Variants in ADAM17 observed in about 807,000 individuals in gnomAD.
The protein encoded by ADAM17 is disintegrin and metalloproteinase domain-containing protein 17.
ADAM17 carries 39 observed loss-of-function variants against 96.7 expected under a neutral mutation model. That is an observed-to-expected ratio of 0.40 (90% CI 0.31 to 0.53). The LOEUF (loss-of-function observed/expected upper bound fraction) is 0.53. Ranked by LOEUF, ADAM17 falls within the 20% of genes least tolerant of loss-of-function variation. The pLI, the probability that ADAM17 is intolerant of heterozygous loss-of-function variation, is 0.44. For synonymous variants in ADAM17, 344 were observed against 359.2 expected, an observed-to-expected ratio of 0.96 and a Z score of 0.48; for missense variants, 777 against 1,013.2, an observed-to-expected ratio of 0.77 and a Z score of 3.17.
chr2:9,524,164 CT>C (rs1167602572), intron 6 of ADAM17, among the ~76,000 whole-genome samples: 1 of 151,896 alleles, frequency 6.6e-6, no homozygotes, highest in East Asian at 1.9e-4. Context: ...GGTAAGGCTT[CT>C]GGTCAACAGT....
intron 14 of ADAM17, 150 bp downstream of exon 14, chr2:9,496,964 C>T (rs544972434): frequency 1.3e-5 from 16 of 1,205,822 alleles, no homozygotes; most frequent in Admixed American, 5.2e-5. Context: ...TGCCTGTCTC[C>T]AGACACCACC....
At chr2:9,509,836 A>T (rs1558506761) in intron 11 of ADAM17, 143 bp downstream of exon 11, 1 of 1,080,106 alleles carries the variant, frequency 9.3e-7, no homozygotes. Flanking sequence ...CAAAACACAC[A>T]ACCACGTTTC....
chr2:9,490,409 G>A lies in ADAM17; in HGVS notation c.2243C>T (p.Ala748Val), dbSNP rs79932015. The A allele has an allele frequency of 1.0e-3, 1,627 of 1,614,164 alleles. 16 individuals carry two copies. The African/African-American group carries it at 0.019, about 19-fold the overall frequency. ...GTGGTCCAGTTTTGGAGCTGCTGGC[G>A]CCGAAGGGATCACAGGGGCAGGCTG... ...RLQPAPVIPS[A>V]PAAPKLDHQR... The change falls in exon 19 of 19, where the codon GCG becomes GTG. Residue 748 changes from alanine (A) to valine (V), a missense_variant. Coordinates refer to ENST00000310823, the MANE Select transcript of ADAM17 (RefSeq NM_003183.6).
In ADAM17 at chr2:9,555,676, A is replaced by C; in HGVS notation, c.-71T>G. ...CTGACGGGGTTTCGGAAAACTGCTC[A>C]CATCGGGGGAGGACGGGATCCGCCC... On this transcript the variant is annotated 5_prime_UTR_variant, in exon 1 of 19. An upstream open reading frame in the 5' UTR loses its in-frame stop. Coordinates refer to ENST00000310823, the MANE Select transcript of ADAM17 (RefSeq NM_003183.6). 1.5e-6 allele frequency: 2 copies of C among 1,299,974 alleles called. No homozygotes were observed. Among genetic ancestry groups the C allele is most frequent in the Non-Finnish European group, 2.1e-6 (2 of 956,128 alleles). 80.5% of individuals were successfully genotyped at this position (1,299,974 alleles called of 1,614,324 possible).
At chr2:9,549,918 C>CA (rs1389283430) in intron 1 of ADAM17, among the ~76,000 whole-genome samples, 1 of 152,190 alleles carries the variant, frequency 6.6e-6, no homozygotes, top group African/African-American at 2.4e-5. Flanking sequence ...GCACTCAGCT[C>CA]ACTCTTCACT....
intron 11 of ADAM17, among the ~76,000 whole-genome samples, chr2:9,506,193 C>A (rs1361808044): frequency 2.6e-5 from 4 of 151,938 alleles, no homozygotes; most frequent in Non-Finnish European, 1.5e-5. Context: ...TTCACTTTCA[C>A]CCCAGACAAC....
At position 9,505,158 on chromosome 2, in the gene ADAM17, C is replaced by T. The variant is rs1231989517; in HGVS notation, c.1544+8G>A. 3 of 1,614,040 alleles carry T rather than the reference C, an allele frequency of 1.9e-6. No homozygotes were observed. The highest frequency in any genetic ancestry group is 2.2e-5 in the East Asian group (1 of 44,892). ...ACTTCCCAAAATCCCTGTGGAGAGACTCCTCACCTGCACTGGACACCTTCC... is the reference window on the plus strand; with the variant it reads ...ACTTCCCAAAATCCCTGTGGAGAGATTCCTCACCTGCACTGGACACCTTCC... On this transcript the variant is annotated splice_region_variant and intron_variant, in intron 12 of 18. Coordinates refer to ENST00000310823, the MANE Select transcript of ADAM17 (RefSeq NM_003183.6).
Position 9,490,046 on chromosome 2 carries a change from G to A in ADAM17, c.*131C>T, listed in dbSNP as rs779832226. 34 of 831,224 alleles carry A rather than the reference G, an allele frequency of 4.1e-5. No individual in the cohort carries two copies. The highest frequency in any genetic ancestry group is 1.4e-4 in the Admixed American group (5 of 34,516). The allele number at this position is 831,224 out of a possible 1,614,324, so 51.5% of individuals were successfully genotyped here. A position where few individuals can be genotyped will look rare whatever the true frequency, so the allele number is the denominator to read the frequency against. ...CCACACAAGAACTGTTTACCTGCAG[G>A]AAGTTCAAACACATGACCAGCATCT... On this transcript the variant is annotated 3_prime_UTR_variant, in exon 19 of 19. Coordinates refer to ENST00000310823, the MANE Select transcript of ADAM17 (RefSeq NM_003183.6).
At chr2:9,542,828 G>A (rs1038245781) in intron 2 of ADAM17, among the ~76,000 whole-genome samples, 1 of 152,130 alleles carries the variant, frequency 6.6e-6, no homozygotes, top group Non-Finnish European at 1.5e-5. Flanking sequence ...CTCCCAAGTA[G>A]CTGGGATTAC....
chr2:9,505,697 A>G (rs1255845464), intron 11 of ADAM17: 4 of 285,036 alleles, frequency 1.4e-5, no homozygotes, highest in Non-Finnish European at 2.0e-5. Flanking sequence ...GAGAGCTCGT[A>G]GCTCCATCAG....
At chr2:9,520,523 A>G (rs1019600518) in intron 8 of ADAM17, among the ~76,000 whole-genome samples, 1 of 152,240 alleles carries the variant, frequency 6.6e-6, no homozygotes, top group African/African-American at 2.4e-5. Flanking sequence ...CCTAAAAGAT[A>G]AATTGATAAG....
chr2:9,504,057 G>A (rs982345013), intron 12 of ADAM17, among the ~76,000 whole-genome samples: 2 of 151,138 alleles, frequency 1.3e-5, no homozygotes, highest in Non-Finnish European at 2.9e-5. Context: ...AGGCTGAGGT[G>A]GAAGGACTGA....
chr2:9,519,181 G>A (rs1357682973), intron 8 of ADAM17, among the ~76,000 whole-genome samples: 1 of 152,134 alleles, frequency 6.6e-6, no homozygotes, highest in African/African-American at 2.4e-5. Flanking sequence ...TTACAGGCAT[G>A]AACCACCATG....
At chr2:9,493,193 G>A (rs1662301833) in intron 16 of ADAM17, among the ~76,000 whole-genome samples, 1 of 152,192 alleles carries the variant, frequency 6.6e-6, no homozygotes, top group Non-Finnish European at 1.5e-5. Flanking sequence ...TATACTGGCT[G>A]ACAGGAAGAG....
chr2:9,488,486 T>G lies in ADAM17; in HGVS notation c.*1691A>C. On this transcript the variant is annotated 3_prime_UTR_variant, in exon 19 of 19. Coordinates refer to ENST00000310823, the MANE Select transcript of ADAM17 (RefSeq NM_003183.6). Reference sequence around the variant, plus strand: ...CAGGGAAGTTTTATACTTAGGTCCATTGTGTTTCGACAGTATTTATTAATG... The same window carrying G: ...CAGGGAAGTTTTATACTTAGGTCCAGTGTGTTTCGACAGTATTTATTAATG... The G allele has an allele frequency of 1.1e-5, 6 of 531,694 alleles. No homozygotes were observed. Among genetic ancestry groups the G allele is most frequent in the Non-Finnish European group, 1.9e-5 (6 of 311,808 alleles). 32.9% of individuals were successfully genotyped at this position (531,694 alleles called of 1,614,324 possible).
intron 15 of ADAM17, 84 bp from the exon 16 acceptor site, chr2:9,493,909 T>C (rs1162790531): frequency 3.5e-6 from 4 of 1,134,390 alleles, no homozygotes; most frequent in African/African-American, 1.6e-5. Flanking sequence ...ATAACTGACA[T>C]GTAAAGGGCT....
At chr2:9,523,895 A>G (rs1418840572) in intron 6 of ADAM17, among the ~76,000 whole-genome samples, 1 of 150,700 alleles carries the variant, frequency 6.6e-6, no homozygotes, top group Non-Finnish European at 1.5e-5. Flanking sequence ...TTTTTTCAAG[A>G]GACAAGGTCT....
At chr2:9,549,884 G>A (rs999743648) in intron 1 of ADAM17, among the ~76,000 whole-genome samples, 4 of 151,976 alleles carry the variant, frequency 2.6e-5, no homozygotes, top group African/African-American at 9.7e-5. Context: ...AATACTACTT[G>A]AGAGTGTACT....
intron 4 of ADAM17, among the ~76,000 whole-genome samples, chr2:9,528,641 A>G (rs1664622528): frequency 6.6e-6 from 1 of 152,228 alleles, no homozygotes; most frequent in African/African-American, 2.4e-5. Context: ...TATTCTCTGT[A>G]AGAACACTGG....
Sources: gnomAD v4.1 joint callset for allele counts (sites outside exome capture counted in the v4.1 genomes callset) on GRCh38, gnomAD v4.1.1 for gene constraint, MANE v1.5 for transcripts, NCBI Gene and HGNC (gene_info 2026-07-23, HGNC 2026-07-21) for gene names.